The following LRP6 variants were observed in gnomAD, a reference collection of about 807,000 sequenced individuals.
LRP6 encodes low-density lipoprotein receptor-related protein 6.
LRP6 carries 43 observed loss-of-function variants against 184.1 expected under a neutral mutation model. The ratio of observed to expected loss-of-function variants is 0.23; its 90% CI spans 0.18 to 0.30. LRP6 has a LOEUF of 0.30. Among genes scored for constraint, LRP6 ranks in the 10% least tolerant of loss-of-function variants. The pLI is 1.00. For synonymous variants in LRP6, 719 were observed against 684.9 expected (o/e 1.05, Z -0.78); for missense variants, 1,571 against 2,005.3 (o/e 0.78, Z 4.14).
chr12:12,198,530 CTTTTTTTT>C (rs56150307), intron 3 of LRP6, among the ~76,000 whole-genome samples: 2 of 76,992 alleles, frequency 2.6e-5, no homozygotes, highest in Non-Finnish European at 5.0e-5. Context: ...GAATTTTTCT[CTTTTTTTT>C]TTTTTTTTTT....
At position 12,162,210 on chromosome 12, in the gene LRP6, C is replaced by T. The variant is rs112633531; in HGVS notation, c.2262G>A (p.Ala754=). 30 of 1,614,176 alleles carry T rather than the reference C, an allele frequency of 1.9e-5. No individual in the cohort carries two copies. Among genetic ancestry groups the T allele is most frequent in the African/African-American group, 1.3e-4 (10 of 75,038 alleles). The change falls in exon 10 of 23, where the codon GCG becomes GCA. Residue 754 remains alanine (A), a synonymous_variant. Coordinates refer to ENST00000261349, the MANE Select transcript of LRP6 (RefSeq NM_002336.3). ...CTGTTTACCCTTCGGCAGGGTCCAA[C>T]GCGAGAGCTCTGGGACTATCTAGGT... ...WKDLDSPRAL[A]LDPAEGFMYW...
intron 1 of LRP6, among the ~76,000 whole-genome samples, chr12:12,265,722 C>T (rs893751314): frequency 6.6e-6 from 1 of 152,168 alleles, no homozygotes; most frequent in Non-Finnish European, 1.5e-5. Flanking sequence ...AAGTTCAACA[C>T]TAAATAGTTT....
chr12:12,140,253 G>A (rs1052741491), intron 15 of LRP6, among the ~76,000 whole-genome samples: 2 of 151,068 alleles, frequency 1.3e-5, no homozygotes, highest in Non-Finnish European at 3.0e-5. Context: ...AGAGCATTTG[G>A]AGAACAAAAA....
chr12:12,171,378 C>T (rs1273164044), intron 7 of LRP6, among the ~76,000 whole-genome samples: 1 of 151,866 alleles, frequency 6.6e-6, no homozygotes, highest in Non-Finnish European at 1.5e-5. Context: ...AAAAACTAGC[C>T]AGGCGTGGTG....
At chr12:12,219,911 C>T (rs931741202) in intron 2 of LRP6, among the ~76,000 whole-genome samples, 2 of 152,106 alleles carry the variant, frequency 1.3e-5, no homozygotes, top group Non-Finnish European at 2.9e-5. Flanking sequence ...GAGGAAGCAG[C>T]GACAGAAGCA....
At chr12:12,136,685 T>C (rs908121070) in intron 16 of LRP6, among the ~76,000 whole-genome samples, 4 of 152,226 alleles carry the variant, frequency 2.6e-5, no homozygotes, top group African/African-American at 7.2e-5. Context: ...TCAGTTTGTG[T>C]TGAGACTGAG....
intron 7 of LRP6, among the ~76,000 whole-genome samples, chr12:12,174,197 C>T (rs1013055757): frequency 5.9e-5 from 9 of 151,796 alleles, no homozygotes; most frequent in African/African-American, 1.5e-4. Context: ...CTGCAACCTC[C>T]GCCACCCGGG....
chr12:12,205,609 T>A (rs1377455012), intron 2 of LRP6, among the ~76,000 whole-genome samples: 2 of 152,212 alleles, frequency 1.3e-5, no homozygotes, highest in Non-Finnish European at 2.9e-5. Flanking sequence ...TCACATACAT[T>A]ATCTTACTTA....
At chr12:12,185,903 T>C (rs1863459688) in intron 4 of LRP6, among the ~76,000 whole-genome samples, 1 of 149,992 alleles carries the variant, frequency 6.7e-6, no homozygotes, top group Admixed American at 6.7e-5. Flanking sequence ...GAAAGTGCAA[T>C]GGCGTGATCT....
intron 6 of LRP6, among the ~76,000 whole-genome samples, chr12:12,180,648 T>C (rs889651944): frequency 5.9e-5 from 9 of 152,066 alleles, no homozygotes; most frequent in Non-Finnish European, 1.3e-4. Flanking sequence ...AAGTCATTCA[T>C]GTATTTAGGG....
intron 7 of LRP6, among the ~76,000 whole-genome samples, chr12:12,168,663 A>G (rs533327058): frequency 2.0e-5 from 3 of 152,356 alleles, no homozygotes; most frequent in South Asian, 4.1e-4. Context: ...AGCTTGTGTT[A>G]AAGATAAATA....
rs149007036 is a variant in LRP6 at position 12,149,907 on chromosome 12, T to C, written c.2995-754A>G. On this transcript the variant is annotated intron_variant, in intron 13 of 22. Transcript: ENST00000261349. ...TTCCTTAATTTCTATCTATTAGTTA[T>C]CAGCCCATCAGTCCTGGCCTATATG... 4.4e-3 allele frequency among the ~76,000 whole-genome samples: 672 copies of C among 152,310 alleles called. 7 individuals are homozygous for C. The highest frequency in any genetic ancestry group is 0.015 in the African/African-American group (606 of 41,558).
At chr12:12,234,041 GCA>G (rs1178059803) in intron 2 of LRP6, among the ~76,000 whole-genome samples, 1 of 152,184 alleles carries the variant, frequency 6.6e-6, no homozygotes, top group Non-Finnish European at 1.5e-5. Flanking sequence ...TGTAATTCCG[GCA>G]CTTTGGGAGG....
At position 12,147,013 on chromosome 12, in the gene LRP6, G is replaced by A. The variant is rs1035938250; in HGVS notation, c.3397+353C>T. Among the ~76,000 whole-genome samples, 7 of 152,260 alleles carry A rather than the reference G, an allele frequency of 4.6e-5. No homozygotes were observed. The East Asian group carries it at 7.7e-4, about 17-fold the overall frequency. On this transcript the variant is annotated intron_variant, in intron 15 of 22. Transcript: ENST00000261349. ...TAAAAATAGAAAAAATTAGCTGGGC[G>A]CAGTGGCAGGTGCCTGTAGTCCCAG...
At chr12:12,229,697 C>T (rs1251458670) in intron 2 of LRP6, among the ~76,000 whole-genome samples, 2 of 152,086 alleles carry the variant, frequency 1.3e-5, no homozygotes, top group African/African-American at 4.8e-5. Context: ...TATTTTAAAG[C>T]CAATTTTAGT....
At chr12:12,228,178 C>CG (rs1864679919) in intron 2 of LRP6, among the ~76,000 whole-genome samples, 1 of 152,122 alleles carries the variant, frequency 6.6e-6, no homozygotes, top group Non-Finnish European at 1.5e-5. Flanking sequence ...CAGGACCAGC[C>CG]TGGCCAACAT....
intron 13 of LRP6, 64 bp from the exon 14 acceptor site, chr12:12,149,217 G>A: frequency 7.9e-7 from 1 of 1,262,862 alleles, no homozygotes. Flanking sequence ...GAGGCAATCA[G>A]TCACAATGCT....
chr12:12,252,528 T>C (rs892536243), intron 1 of LRP6, among the ~76,000 whole-genome samples: 2 of 152,232 alleles, frequency 1.3e-5, no homozygotes, highest in African/African-American at 4.8e-5. Context: ...TATGAAGGTA[T>C]AAAGCTCCTA....
At chr12:12,177,244 C>T (rs1863214139) in intron 7 of LRP6, among the ~76,000 whole-genome samples, 1 of 152,120 alleles carries the variant, frequency 6.6e-6, no homozygotes, top group African/African-American at 2.4e-5. Flanking sequence ...CTTTCATTCT[C>T]GGGCATGACA....
Sources: allele counts gnomAD v4.1 joint callset (sites outside exome capture counted in the v4.1 genomes callset), GRCh38; gene constraint gnomAD v4.1.1; transcripts MANE v1.5; gene names NCBI Gene and HGNC (gene_info 2026-07-23, HGNC 2026-07-21).